Variants in LRFN5 observed in about 807,000 individuals in gnomAD.
LRFN5 encodes leucine rich repeat and fibronectin type III domain containing 5, also known as leucine-rich repeat and fibronectin type-III domain-containing protein 5.
Under a neutral mutation model 45.6 loss-of-function variants are expected in LRFN5, and 24 were observed. The ratio of observed to expected loss-of-function variants is 0.53; its 90% CI spans 0.38 to 0.74. The LOEUF (loss-of-function observed/expected upper bound fraction) is 0.74. LRFN5 is among the 30% of genes least tolerant of loss of function. The probability of loss-of-function intolerance (pLI) is 0.00; values close to 1 mark genes in which losing one functional copy is unlikely to be tolerated. For synonymous variants in LRFN5, 340 were observed against 313.8 expected (o/e 1.08, Z -0.88); for missense variants, 776 against 861.5 (o/e 0.90, Z 1.24).
intron 1 of LRFN5, among the ~76,000 whole-genome samples, chr14:41,728,446 T>C (rs1443188857): frequency 1.3e-5 from 2 of 152,200 alleles, no homozygotes; most frequent in African/African-American, 2.4e-5. Flanking sequence ...CATCTTTGTC[T>C]TTCCATTTCA....
chr14:41,882,406 G>T (rs1890411689), intron 2 of LRFN5, among the ~76,000 whole-genome samples: 1 of 152,094 alleles, frequency 6.6e-6, no homozygotes, highest in Non-Finnish European at 1.5e-5. Context: ...CCCTCTGTCA[G>T]TCCTGATAAC....
chr14:41,749,464 T>C (rs1239040138), intron 1 of LRFN5, among the ~76,000 whole-genome samples: 3 of 152,134 alleles, frequency 2.0e-5, no homozygotes, highest in Admixed American at 2.0e-4. Flanking sequence ...CACTACGAAA[T>C]ATTATACAGC....
intron 2 of LRFN5, among the ~76,000 whole-genome samples, chr14:41,798,056 G>A (rs1594718954): frequency 6.6e-6 from 1 of 151,652 alleles, no homozygotes; most frequent in Non-Finnish European, 1.5e-5. Flanking sequence ...CTCTATCCCC[G>A]CTTTAACTTA....
At chr14:41,683,162 A>G (rs1881976179) in intron 1 of LRFN5, among the ~76,000 whole-genome samples, 1 of 152,230 alleles carries the variant, frequency 6.6e-6, no homozygotes, top group African/African-American at 2.4e-5. Context: ...AGGATGGTTC[A>G]ACTTTTGCAC....
intron 1 of LRFN5, chr14:41,701,656 G>A (rs1882845635): frequency 6.6e-6 from 1 of 152,166 alleles, no homozygotes; most frequent in Non-Finnish European, 1.5e-5. Context: ...TTCAATAAAT[G>A]CTGTAATACA....
intron 1 of LRFN5, among the ~76,000 whole-genome samples, chr14:41,669,803 C>G (rs960526711): frequency 6.6e-6 from 1 of 150,710 alleles, no homozygotes; most frequent in Non-Finnish European, 1.5e-5. Context: ...ATTTAAATTT[C>G]CATAGTATTT....
At chr14:41,740,077 G>T (rs1042208937) in intron 1 of LRFN5, among the ~76,000 whole-genome samples, 1 of 151,950 alleles carries the variant, frequency 6.6e-6, no homozygotes, top group Non-Finnish European at 1.5e-5. Flanking sequence ...TAAAAATAAA[G>T]CCCAGGGCAT....
chr14:41,711,876 G>A (rs1883298974), intron 1 of LRFN5, among the ~76,000 whole-genome samples: 1 of 152,166 alleles, frequency 6.6e-6, no homozygotes, highest in Non-Finnish European at 1.5e-5. Flanking sequence ...CGTTTTGTGT[G>A]TGTGCATGTG....
intron 2 of LRFN5, among the ~76,000 whole-genome samples, chr14:41,802,984 G>T (rs1887391101): frequency 6.6e-6 from 1 of 152,098 alleles, no homozygotes; most frequent in East Asian, 1.9e-4. Flanking sequence ...ATAAATTTAA[G>T]AGTCTCTTGT....
chr14:41,877,889 A>T (rs1890241641), intron 2 of LRFN5, among the ~76,000 whole-genome samples: 1 of 152,116 alleles, frequency 6.6e-6, no homozygotes, highest in African/African-American at 2.4e-5. Context: ...GAAAGGATAA[A>T]TAAATTGATG....
intron 2 of LRFN5, among the ~76,000 whole-genome samples, chr14:41,858,972 G>A (rs564056606): frequency 3.7e-4 from 56 of 152,292 alleles, no homozygotes; most frequent in African/African-American, 1.3e-3. Context: ...TACTGATTAT[G>A]TGAATTGAGA....
At chr14:41,709,043 T>G (rs1883181308) in intron 1 of LRFN5, among the ~76,000 whole-genome samples, 1 of 152,016 alleles carries the variant, frequency 6.6e-6, no homozygotes, top group Non-Finnish European at 1.5e-5. Flanking sequence ...TTTCTTTCTT[T>G]ATTTCTTAGC....
At chr14:41,640,090 A>G (rs1413560287) in intron 1 of LRFN5, among the ~76,000 whole-genome samples, 1 of 150,020 alleles carries the variant, frequency 6.7e-6, no homozygotes, top group South Asian at 2.1e-4. Context: ...GTGAGTCACT[A>G]TGCCCAGCCC....
intron 2 of LRFN5, among the ~76,000 whole-genome samples, chr14:41,795,526 C>T (rs1169203351): frequency 1.3e-5 from 2 of 152,010 alleles, no homozygotes; most frequent in Non-Finnish European, 2.9e-5. Context: ...GGAACCAACC[C>T]AAATGTCCAA....
chr14:41,648,722 A>G (rs1165414746), intron 1 of LRFN5, among the ~76,000 whole-genome samples: 1 of 151,998 alleles, frequency 6.6e-6, no homozygotes, highest in Admixed American at 6.6e-5. Context: ...TGTTTATTAG[A>G]ATTCACCTCC....
intron 1 of LRFN5, among the ~76,000 whole-genome samples, chr14:41,673,502 A>G (rs1259006221): frequency 3.2e-5 from 4 of 124,300 alleles, no homozygotes; most frequent in Non-Finnish European, 6.8e-5. Context: ...GGGGCTCCTC[A>G]CTTCCCAGTA....
At chr14:41,649,160 G>A (rs1053684022) in intron 1 of LRFN5, among the ~76,000 whole-genome samples, 3 of 152,084 alleles carry the variant, frequency 2.0e-5, no homozygotes, top group South Asian at 2.1e-4. Flanking sequence ...GCTTGAACCC[G>A]GGAGGCGGAG....
intron 2 of LRFN5, among the ~76,000 whole-genome samples, chr14:41,805,916 G>A (rs2138979452): frequency 6.6e-6 from 1 of 152,096 alleles, no homozygotes; most frequent in African/African-American, 2.4e-5. Context: ...AGGAATCTTG[G>A]TCACACGACT....
intron 1 of LRFN5, chr14:41,700,285 TGAGTC>T (rs1882785216): frequency 6.6e-6 from 1 of 152,038 alleles, no homozygotes; most frequent in African/African-American, 2.4e-5. Context: ...ACAAATGAGT[TGAGTC>T]AATTAGAAAG....
Sources: allele counts gnomAD v4.1 joint callset (sites outside exome capture counted in the v4.1 genomes callset), GRCh38; gene constraint gnomAD v4.1.1; transcripts MANE v1.5; gene names NCBI Gene and HGNC (gene_info 2026-07-23, HGNC 2026-07-21).